The following LAMA1 variants were observed in gnomAD, a reference collection of about 807,000 sequenced individuals.
LAMA1 encodes the protein laminin subunit alpha 1.
Under a neutral mutation model 348.7 loss-of-function variants are expected in LAMA1, and 219 were observed. The ratio of observed to expected loss-of-function variants is 0.63; its 90% CI spans 0.56 to 0.70. The LOEUF (loss-of-function observed/expected upper bound fraction) is 0.70, where lower values mean the gene tolerates loss of function less well. LAMA1 is among the 30% of genes least tolerant of loss of function. The pLI is 0.00. For synonymous variants in LAMA1, 1,487 were observed against 1,491.0 expected (o/e 1.00, Z 0.06); for missense variants, 3,744 against 3,888.0 (o/e 0.96, Z 0.99).
intron 59 of LAMA1, among the ~76,000 whole-genome samples, 180 bp downstream of exon 59, chr18:6,948,921 C>T (rs535655765): frequency 6.6e-6 from 1 of 152,306 alleles, no homozygotes; most frequent in Middle Eastern, 3.4e-3. Flanking sequence ...AAAGACTGAT[C>T]GGGTTCTGAG....
chr18:6,981,309 C>T (rs1006560692), intron 41 of LAMA1, among the ~76,000 whole-genome samples: 2 of 152,176 alleles, frequency 1.3e-5, no homozygotes, highest in Admixed American at 1.3e-4. Flanking sequence ...GGCCACCTTT[C>T]TCCTCTGGGT....
At chr18:7,115,869 C>T (rs887259787) in intron 1 of LAMA1, among the ~76,000 whole-genome samples, 1 of 150,232 alleles carries the variant, frequency 6.7e-6, no homozygotes, top group Non-Finnish European at 1.5e-5. Context: ...GTAGTCCCAG[C>T]TACTCGGGAG....
intron 57 of LAMA1, chr18:6,953,788 C>T (rs1161332432): frequency 1.3e-5 from 2 of 152,330 alleles, no homozygotes; most frequent in Non-Finnish European, 2.9e-5. Context: ...CTCTTGCTGT[C>T]ACTGCTGACG....
chr18:6,994,574 A>G (rs2057772312), intron 34 of LAMA1, among the ~76,000 whole-genome samples: 1 of 152,156 alleles, frequency 6.6e-6, no homozygotes, highest in Non-Finnish European at 1.5e-5. Context: ...CTAAATTAAC[A>G]GGAGCCAAAC....
chr18:6,967,178 T>G (rs1035604541), intron 48 of LAMA1, among the ~76,000 whole-genome samples: 2 of 152,088 alleles, frequency 1.3e-5, no homozygotes, highest in African/African-American at 4.8e-5. Context: ...AAACAAAAAA[T>G]AGTGCTTTGT....
intron 22 of LAMA1, among the ~76,000 whole-genome samples, chr18:7,014,660 T>G (rs934362797): frequency 6.7e-6 from 1 of 149,988 alleles, no homozygotes; most frequent in Admixed American, 6.6e-5. Flanking sequence ...AAAAAAAAAG[T>G]AATTTCCTCT....
intron 57 of LAMA1, chr18:6,954,988 T>G: frequency 5.8e-6 from 2 of 341,916 alleles, no homozygotes; most frequent in East Asian, 7.6e-5. Flanking sequence ...AGTGTAAGAG[T>G]TTGGGTAGAC....
chr18:7,110,193 C>CA (rs58053263), intron 1 of LAMA1, among the ~76,000 whole-genome samples: 4,542 of 134,294 alleles, frequency 0.034, 234 homozygotes, highest in African/African-American at 0.11. Flanking sequence ...CACCCGCTGC[C>CA]AAAAAAAAAA....
In LAMA1 at chr18:7,008,877, T is replaced by C. The variant is rs570012406; in HGVS notation, c.4002-269A>G. Reference sequence around the variant, plus strand: ...GCTGATTTGGCCAAGACCTAATGGCTTTCTTTTTGGGCTAAAGTATGAGAT... The same window carrying C: ...GCTGATTTGGCCAAGACCTAATGGCCTTCTTTTTGGGCTAAAGTATGAGAT... On this transcript the variant is annotated intron_variant, in intron 27 of 62. Transcript: ENST00000389658. Among the ~76,000 whole-genome samples, 11 of 152,320 alleles carry C rather than the reference T, an allele frequency of 7.2e-5. No homozygotes were observed. The South Asian group carries it at 2.3e-3, about 32-fold the overall frequency.
At position 6,979,651 on chromosome 18, in the gene LAMA1, A is replaced by G. The variant is rs563972471; in HGVS notation, c.6007+870T>C. On this transcript the variant is annotated intron_variant, in intron 42 of 62. Transcript: ENST00000389658. ...GCGGTGGCTCACGCCTGTAATCCCA[A>G]CACTTTGGGAGGCCAAGGCGGGCGG... 3.1e-3 allele frequency among the ~76,000 whole-genome samples: 469 copies of G among 152,286 alleles called. 3 individuals are homozygous for G. Among genetic ancestry groups the G allele is most frequent in the African/African-American group, 4.1e-3 (170 of 41,558 alleles).
chr18:7,047,490 A>C (rs1486403128), intron 5 of LAMA1, among the ~76,000 whole-genome samples: 1 of 152,248 alleles, frequency 6.6e-6, no homozygotes, highest in African/African-American at 2.4e-5. Flanking sequence ...CAACATTGTT[A>C]AAATGTCTTA....
rs1430584195 is a variant in LAMA1, at chr18:6,985,463, T to C, written c.5497-63A>G. 3.7e-6 allele frequency: 6 copies of C among 1,607,040 alleles called. No individual in the cohort carries two copies. In the East Asian group the frequency reaches 1.3e-4, roughly 36 times the overall value. On this transcript the variant is annotated intron_variant, in intron 38 of 62. Transcript: ENST00000389658. ...CTACTTAATAACAGATATGTGTGCA[T>C]ATAGAAAAGATGTGTGAAGATTCTT...
chr18:6,950,692 G>A (rs2143974863), intron 58 of LAMA1, 90 bp downstream of exon 58: 1 of 1,394,200 alleles, frequency 7.2e-7, no homozygotes, highest in Non-Finnish European at 1.0e-6. Context: ...AGATTAATGG[G>A]GATAATGTGC....
At chr18:7,087,533 C>T (rs981460720) in intron 1 of LAMA1, among the ~76,000 whole-genome samples, 1 of 152,164 alleles carries the variant, frequency 6.6e-6, no homozygotes, top group Non-Finnish European at 1.5e-5. Flanking sequence ...CTACATCATG[C>T]GGAATTATTT....
chr18:7,034,523 A>C lies in LAMA1; in HGVS notation c.2007T>G (p.Leu669=), dbSNP rs142794671. 69 of 1,614,194 alleles carry C rather than the reference A, an allele frequency of 4.3e-5. No individual in the cohort carries two copies. The African/African-American group carries it at 8.5e-4, about 20-fold the overall frequency. ...LMTVLANVTH[L]LIRANYNSAK... ...CAGAATTGTAGTTGGCTCTGATCAA[A>C]AGATGTGTCACATTGGCAAGGACAG... The change falls in exon 14 of 63, where the codon CTT becomes CTG. Residue 669 remains leucine, a synonymous_variant. Coordinates refer to ENST00000389658, the MANE Select transcript of LAMA1 (RefSeq NM_005559.4).
At chr18:7,079,735 G>C (rs762955195) in intron 3 of LAMA1, 1 of 532,966 alleles carries the variant, frequency 1.9e-6, no homozygotes, top group Non-Finnish European at 3.4e-6. Context: ...ACACAGCTTC[G>C]AAGAACATCA....
intron 41 of LAMA1, among the ~76,000 whole-genome samples, 196 bp from the exon 42 acceptor site, chr18:6,980,833 G>A (rs535107514): frequency 1.1e-4 from 16 of 152,146 alleles, no homozygotes; most frequent in Non-Finnish European, 2.2e-4. Flanking sequence ...GATGGCTCAC[G>A]CCTGTAATCC....
chr18:7,043,508 A>G (rs1362724463), intron 7 of LAMA1, 103 bp from the exon 8 acceptor site: 2 of 913,848 alleles, frequency 2.2e-6, no homozygotes, highest in Non-Finnish European at 3.4e-6. Context: ...AGATTAAATT[A>G]AAATCCTAGA....
chr18:6,997,870 A>G lies in LAMA1; in HGVS notation c.4678T>C (p.Cys1560Arg). 1 of 1,614,048 alleles carries G rather than the reference A, an allele frequency of 6.2e-7. No homozygotes were observed. The highest frequency in any genetic ancestry group is 8.5e-7 in the Non-Finnish European group (1 of 1,179,960). ...AAGTCATTCAGCAGCACACCTACAC[A>G]CTCATCATCACAGGCTACAAGACAA... ...ETDCVSCDDE[C>R]VGVLLNDLDE... The change falls in exon 33 of 63, where the codon TGT becomes CGT. Residue 1560 changes from cysteine (C) to arginine (R), a missense_variant. Cys to Arg is a radical substitution (Grantham distance 180). Coordinates refer to ENST00000389658, the MANE Select transcript of LAMA1 (RefSeq NM_005559.4).
Sources: allele counts gnomAD v4.1 joint callset (sites outside exome capture counted in the v4.1 genomes callset), GRCh38; gene constraint gnomAD v4.1.1; transcripts MANE v1.5; gene names NCBI Gene and HGNC (gene_info 2026-07-23, HGNC 2026-07-21).